The following WDR70 variants were observed in gnomAD, a reference collection of about 807,000 sequenced individuals.
The protein encoded by WDR70 is WD repeat domain 70.
WDR70 carries 53 observed loss-of-function variants against 88.6 expected under a neutral mutation model. That is an observed-to-expected ratio of 0.60 (90% CI 0.48 to 0.75). The LOEUF (loss-of-function observed/expected upper bound fraction) is 0.75, where lower values mean the gene tolerates loss of function less well. Among genes scored for constraint, WDR70 ranks in the 30% least tolerant of loss-of-function variants. The pLI is 0.00. For missense variants in WDR70, 610 were observed against 823.2 expected, an observed-to-expected ratio of 0.74 and a Z score of 3.17; for synonymous variants, 280 against 270.0, an observed-to-expected ratio of 1.04 and a Z score of -0.36.
chr5:37,523,774 G>A (rs1741172362), intron 9 of WDR70, among the ~76,000 whole-genome samples: 1 of 152,168 alleles, frequency 6.6e-6, no homozygotes, highest in African/African-American at 2.4e-5. Context: ...CCAGTGTAGA[G>A]AAGTCCTTAA....
chr5:37,708,614 A>C (rs1034187549), intron 13 of WDR70, among the ~76,000 whole-genome samples: 1 of 152,178 alleles, frequency 6.6e-6, no homozygotes, highest in African/African-American at 2.4e-5. Flanking sequence ...GGAAGACTAA[A>C]TGGATAAAAA....
At position 37,467,650 on chromosome 5, in the gene WDR70, C is replaced by T. The variant is rs188609221; in HGVS notation, c.687-12184C>T. ...CTCCTGGGTTCACACCATTCTCCTG[C>T]GTCAGCCTCCTCAGTAGCTGGGACT... On this transcript the variant is annotated intron_variant, in intron 7 of 17. Coordinates refer to ENST00000265107, the MANE Select transcript of WDR70 (RefSeq NM_018034.4). Among the ~76,000 whole-genome samples, 1,168 of 151,890 alleles carry T rather than the reference C, an allele frequency of 7.7e-3. 21 individuals are homozygous for T. Among genetic ancestry groups the T allele is most frequent in the African/African-American group, 0.027 (1,130 of 41,422 alleles).
Position 37,379,512 on chromosome 5 carries a change from C to A in WDR70, c.49C>A (p.Pro17Thr), listed in dbSNP as rs1372746007. Reference sequence around the variant, plus strand: ...AGTGACAGGCTCAGACGCGTCGGGACCGGACCCGCAGCTTGCGGTCACCAT... The same window carrying A: ...AGTGACAGGCTCAGACGCGTCGGGAACGGACCCGCAGCTTGCGGTCACCAT... Reference protein sequence around the residue: ...SEVTGSDASGPDPQLAVTMGF... With the variant: ...SEVTGSDASGTDPQLAVTMGF... The change falls in exon 2 of 18, where the codon CCG (proline) becomes ACG (threonine). Residue 17 changes from proline (P) to threonine (T), a missense_variant. By Grantham distance (38) the Pro-to-Thr change is conservative. Transcript: ENST00000265107. 2 of 1,613,890 alleles carry A rather than the reference C, an allele frequency of 1.2e-6. No individual in the cohort carries two copies. Among genetic ancestry groups the A allele is most frequent in the African/African-American group, 2.7e-5 (2 of 74,928 alleles).
rs1460583712 is a variant in WDR70, at chr5:37,491,777, G to A, written c.840+11790G>A. On this transcript the variant is annotated intron_variant, in intron 8 of 17. Coordinates refer to ENST00000265107, the MANE Select transcript of WDR70 (RefSeq NM_018034.4). Reference sequence around the variant, plus strand: ...TAATTTTTATTAAAATAACTGTTCTGGGTTTATTTTTGTTTTCTTGAGCAA... The same window carrying A: ...TAATTTTTATTAAAATAACTGTTCTAGGTTTATTTTTGTTTTCTTGAGCAA... Among the ~76,000 whole-genome samples the A allele has an allele frequency of 2.0e-5, 3 of 151,896 alleles. 1 individual carries two copies. Among genetic ancestry groups the A allele is most frequent in the Non-Finnish European group, 4.4e-5 (3 of 67,958 alleles).
intron 8 of WDR70, among the ~76,000 whole-genome samples, chr5:37,483,579 C>G (rs1030633430): frequency 5.9e-5 from 9 of 152,232 alleles, no homozygotes; most frequent in Admixed American, 5.9e-4. Flanking sequence ...ACAAAACCGC[C>G]ATCGTCATCA....
chr5:37,742,619 C>A (rs1748517894), intron 17 of WDR70, among the ~76,000 whole-genome samples: 1 of 152,080 alleles, frequency 6.6e-6, no homozygotes, highest in East Asian at 1.9e-4. Flanking sequence ...CTTCTGTTGT[C>A]TGTGCTTTTG....
intron 10 of WDR70, among the ~76,000 whole-genome samples, chr5:37,662,734 A>T (rs1745735990): frequency 6.6e-6 from 1 of 152,192 alleles, no homozygotes; most frequent in Non-Finnish European, 1.5e-5. Flanking sequence ...TCTTACTCAA[A>T]TTAAAAATAA....
intron 10 of WDR70, among the ~76,000 whole-genome samples, chr5:37,630,031 C>T (rs576639656): frequency 1.3e-5 from 2 of 152,180 alleles, no homozygotes; most frequent in East Asian, 1.9e-4. Flanking sequence ...TTTCTTCAAC[C>T]GTAATCCATA....
intron 9 of WDR70, among the ~76,000 whole-genome samples, chr5:37,540,947 G>A (rs562154): frequency 0.74 from 112,363 of 152,124 alleles, 42,095 homozygotes; most frequent in African/African-American, 0.87. Context: ...ATGTTGAATA[G>A]GGGTTATAAA....
intron 10 of WDR70, among the ~76,000 whole-genome samples, chr5:37,667,683 A>G (rs1304016806): frequency 6.6e-6 from 1 of 152,058 alleles, no homozygotes; most frequent in Non-Finnish European, 1.5e-5. Flanking sequence ...CTACAACAGG[A>G]GAAGTGAACA....
chr5:37,418,638 T>C (rs918755617), intron 5 of WDR70, among the ~76,000 whole-genome samples: 8 of 152,264 alleles, frequency 5.3e-5, no homozygotes, highest in Non-Finnish European at 5.9e-5. Context: ...TATAGCCATA[T>C]ACCTTCTTCT....
chr5:37,722,409 A>G (rs1350891101), intron 14 of WDR70: 1 of 172,754 alleles, frequency 5.8e-6, no homozygotes, highest in African/African-American at 2.4e-5. Context: ...TGCCAAGCCA[A>G]CTCAGTTCCA....
intron 17 of WDR70, among the ~76,000 whole-genome samples, chr5:37,734,906 G>A (rs999965667): frequency 5.9e-5 from 9 of 152,116 alleles, no homozygotes; most frequent in Middle Eastern, 3.4e-3. Flanking sequence ...TGATACGACC[G>A]TTATATGATT....
At chr5:37,531,573 G>A (rs1047162049) in intron 9 of WDR70, among the ~76,000 whole-genome samples, 2 of 140,192 alleles carry the variant, frequency 1.4e-5, no homozygotes, top group African/African-American at 2.6e-5. Context: ...AGCTGCTGTT[G>A]CTTTAAAGTT....
rs189164527 is a variant in WDR70, at chr5:37,456,222, G to A, written c.686+12850G>A. On this transcript the variant is annotated intron_variant, in intron 7 of 17. Coordinates refer to ENST00000265107, the MANE Select transcript of WDR70 (RefSeq NM_018034.4). The stretch of plus-strand genomic sequence containing the variant: ...CATTTTGCTTTCTTAGTGGCAATGT[G>A]TAAGAGTTGTAGTTACTTCATATCC... 8.3e-4 allele frequency among the ~76,000 whole-genome samples: 127 copies of A among 152,292 alleles called. 1 individual carries two copies. The highest frequency in any genetic ancestry group is 2.7e-3 in the African/African-American group (111 of 41,570).
At chr5:37,512,643 G>A (rs1000653591) in intron 8 of WDR70, among the ~76,000 whole-genome samples, 1 of 150,972 alleles carries the variant, frequency 6.6e-6, no homozygotes, top group African/African-American at 2.4e-5. Context: ...GTGCAGTGGT[G>A]TAATAATGGC....
intron 8 of WDR70, among the ~76,000 whole-genome samples, chr5:37,488,502 C>CAT (rs1739963406): frequency 7.3e-6 from 1 of 137,532 alleles, no homozygotes; most frequent in Admixed American, 7.3e-5. Flanking sequence ...TTGTTCTTTA[C>CAT]TTTTTTTTTT....
chr5:37,646,082 CTGG>C (rs1419889352), intron 10 of WDR70, among the ~76,000 whole-genome samples: 1 of 151,874 alleles, frequency 6.6e-6, no homozygotes, highest in Non-Finnish European at 1.5e-5. Context: ...GTGATTTTCT[CTGG>C]TGATATGTTT....
At chr5:37,485,201 TG>T (rs1421796723) in intron 8 of WDR70, among the ~76,000 whole-genome samples, 3 of 152,224 alleles carry the variant, frequency 2.0e-5, no homozygotes, top group Non-Finnish European at 4.4e-5. Context: ...TCATGATTTT[TG>T]TCTGAATTGA....
Sources: allele counts gnomAD v4.1 joint callset (sites outside exome capture counted in the v4.1 genomes callset), GRCh38; gene constraint gnomAD v4.1.1; transcripts MANE v1.5; gene names NCBI Gene and HGNC (gene_info 2026-07-23, HGNC 2026-07-21).